The following TCP11L2 variants were observed in gnomAD, a reference collection of about 807,000 sequenced individuals.
TCP11L2 encodes the protein T-complex protein 11-like protein 2.
TCP11L2 carries 39 observed loss-of-function variants against 50.7 expected under a neutral mutation model. That is an observed-to-expected ratio of 0.77 (90% CI 0.60 to 1.01). The LOEUF (loss-of-function observed/expected upper bound fraction) is 1.01, where lower values mean the gene tolerates loss of function less well. Ranked by LOEUF, TCP11L2 falls within the 50% of genes least tolerant of loss-of-function variation. The probability of loss-of-function intolerance (pLI) is 0.00; values close to 1 mark genes in which losing one functional copy is unlikely to be tolerated. For missense variants in TCP11L2, 612 were observed against 614.7 expected, an observed-to-expected ratio of 1.00 and a Z score of 0.05; for synonymous variants, 192 against 219.3, an observed-to-expected ratio of 0.88 and a Z score of 1.10.
At chr12:106,310,802 T>G (rs2034823880) in intron 1 of TCP11L2, among the ~76,000 whole-genome samples, 1 of 152,240 alleles carries the variant, frequency 6.6e-6, no homozygotes. Flanking sequence ...ACATTTATAG[T>G]GGGTGTGTCC....
intron 6 of TCP11L2, among the ~76,000 whole-genome samples, chr12:106,327,306 G>A (rs1259210762): frequency 6.6e-6 from 1 of 152,048 alleles, no homozygotes; most frequent in African/African-American, 2.4e-5. Context: ...GGATTCTCCT[G>A]TCTCAGCTTC....
chr12:106,311,225 T>TC lies in TCP11L2; in HGVS notation c.152dup (p.Ala52CysfsTer12). On this transcript the variant is annotated frameshift_variant, in exon 2 of 10. Coordinates refer to ENST00000299045, the MANE Select transcript of TCP11L2 (RefSeq NM_152772.3). LOFTEE classifies it high-confidence loss of function. ...GTGACTCCTCCAGCAAATCCAGCTCTCCTGCTTGTGAGCCGATGGGGGAGC... is the reference window on the plus strand; with the variant it reads ...GTGACTCCTCCAGCAAATCCAGCTCTCCCTGCTTGTGAGCCGATGGGGGAGC... The TC allele has an allele frequency of 6.2e-7, 1 of 1,613,812 alleles. No homozygotes were observed. The highest frequency in any genetic ancestry group is 1.1e-5 in the South Asian group (1 of 91,066).
intron 8 of TCP11L2, 81 bp from the exon 9 acceptor site, chr12:106,340,745 C>T: frequency 8.0e-7 from 1 of 1,256,298 alleles, no homozygotes. Context: ...TGGTAGACAT[C>T]TAAAACAAGT....
rs1187277065 is a variant in TCP11L2, at chr12:106,318,278, A to G, written c.294-66A>G. The G allele has an allele frequency of 3.3e-6, 5 of 1,534,680 alleles. No homozygotes were observed. The Admixed American group carries it at 9.0e-5, about 27-fold the overall frequency. The stretch of plus-strand genomic sequence containing the variant: ...ATTTTATAAGATTTCTACAATGAGG[A>G]TGTTTCTTTTATAATCAGGAAAAAG... On this transcript the variant is annotated intron_variant, in intron 3 of 9. Transcript: ENST00000299045.
intron 2 of TCP11L2, among the ~76,000 whole-genome samples, chr12:106,313,060 A>G (rs2034921347): frequency 6.6e-6 from 1 of 152,170 alleles, no homozygotes; most frequent in Non-Finnish European, 1.5e-5. Flanking sequence ...ACTATTTCCT[A>G]CTGAGAAGTA....
chr12:106,330,283 GA>G (rs1201290547), intron 6 of TCP11L2: 4 of 985,078 alleles, frequency 4.1e-6, no homozygotes, highest in Non-Finnish European at 4.8e-6. Flanking sequence ...AAAGTTAGAA[GA>G]ACTACTTAGA....
At chr12:106,345,287 C>T (rs142899296) in intron 9 of TCP11L2, among the ~76,000 whole-genome samples, 166 of 152,286 alleles carry the variant, frequency 1.1e-3, no homozygotes, top group Middle Eastern at 3.4e-3. Context: ...TGAGCCACTA[C>T]GCCTGGCACC....
chr12:106,323,668 T>G, intron 6 of TCP11L2, 22 bp downstream of exon 6: 1 of 1,308,188 alleles, frequency 7.6e-7, no homozygotes, highest in Non-Finnish European at 1.0e-6. Context: ...ATAATGTGTA[T>G]TTATATTGAA....
intron 3 of TCP11L2, among the ~76,000 whole-genome samples, chr12:106,317,189 A>C (rs1207337735): frequency 1.3e-5 from 2 of 152,246 alleles, no homozygotes; most frequent in African/African-American, 2.4e-5. Flanking sequence ...AGGGAAACAA[A>C]GTACAGAGTT....
chr12:106,342,213 T>C (rs566555007), intron 9 of TCP11L2, among the ~76,000 whole-genome samples: 21 of 152,336 alleles, frequency 1.4e-4, no homozygotes, highest in Non-Finnish European at 2.9e-5. Flanking sequence ...TTATTATTGA[T>C]TTGAGGCTTT....
chr12:106,317,279 G>C (rs2035125839), intron 3 of TCP11L2, among the ~76,000 whole-genome samples: 1 of 152,214 alleles, frequency 6.6e-6, no homozygotes, highest in Non-Finnish European at 1.5e-5. Flanking sequence ...ACTTTGGGAG[G>C]CTGAGGTGAG....
intron 5 of TCP11L2, among the ~76,000 whole-genome samples, chr12:106,322,689 G>A (rs1361810705): frequency 6.6e-6 from 1 of 152,122 alleles, no homozygotes; most frequent in East Asian, 1.9e-4. Flanking sequence ...TTATGTAAAT[G>A]TTTTGGAAAG....
chr12:106,329,873 A>G, intron 6 of TCP11L2: 1 of 985,840 alleles, frequency 1.0e-6, no homozygotes. Flanking sequence ...AACCAAAAAC[A>G]ACATTTGCCA....
intron 6 of TCP11L2, among the ~76,000 whole-genome samples, chr12:106,331,091 A>C (rs761108791): frequency 3.3e-5 from 5 of 152,222 alleles, no homozygotes; most frequent in Non-Finnish European, 7.3e-5. Context: ...GGTCAAATTA[A>C]GTATGAGACT....
At chr12:106,337,009 C>G (rs977524653) in intron 8 of TCP11L2, among the ~76,000 whole-genome samples, 1 of 152,212 alleles carries the variant, frequency 6.6e-6, no homozygotes, top group Non-Finnish European at 1.5e-5. Flanking sequence ...ATTACACCTT[C>G]ATGAATGCTA....
intron 6 of TCP11L2, among the ~76,000 whole-genome samples, chr12:106,327,273 A>T (rs1428050221): frequency 6.6e-6 from 1 of 151,870 alleles, no homozygotes; most frequent in Non-Finnish European, 1.5e-5. Context: ...AACTTACTCT[A>T]GCCTCCAATT....
At chr12:106,304,054 G>A (rs1167993238) in intron 1 of TCP11L2, 1 of 152,296 alleles carries the variant, frequency 6.6e-6, no homozygotes, top group African/African-American at 2.4e-5. Flanking sequence ...TCCCACTTGA[G>A]GAGGCTCCCT....
At chr12:106,339,715 A>G (rs187074745) in intron 8 of TCP11L2, among the ~76,000 whole-genome samples, 2,518 of 152,260 alleles carry the variant, frequency 0.017, 42 homozygotes, top group South Asian at 0.052. Flanking sequence ...TAGCCTAAGA[A>G]CTCACTGATT....
chr12:106,333,342 A>G (rs2035805947), intron 6 of TCP11L2, among the ~76,000 whole-genome samples: 1 of 152,210 alleles, frequency 6.6e-6, no homozygotes, highest in Non-Finnish European at 1.5e-5. Flanking sequence ...CTAAAAAACA[A>G]TGAACTGTGA....
Sources: gnomAD v4.1 joint callset for allele counts (sites outside exome capture counted in the v4.1 genomes callset) on GRCh38, gnomAD v4.1.1 for gene constraint, MANE v1.5 for transcripts, NCBI Gene and HGNC (gene_info 2026-07-23, HGNC 2026-07-21) for gene names.